CIMAP3: variants seen among roughly 807,000 people sequenced by gnomAD.
The protein encoded by CIMAP3 is ciliary microtubule associated protein 3, also known as ciliary microtubule-associated protein 3.
the CIMAP3 span, among the ~76,000 whole-genome samples, chr1:111,327,631 T>C: frequency 6.6e-6 from 1 of 152,186 alleles, no homozygotes; most frequent in African/African-American, 2.4e-5. Context: ...CTAAGTTGTC[T>C]AGTTTTTATG....
chr1:111,344,344 T>G, the CIMAP3 span, among the ~76,000 whole-genome samples: 2 of 152,218 alleles, frequency 1.3e-5, no homozygotes, highest in African/African-American at 4.8e-5. Context: ...AACTGTGTTT[T>G]CCAGTTTCCC....
the CIMAP3 span, among the ~76,000 whole-genome samples, chr1:111,330,404 T>C: frequency 6.6e-6 from 1 of 152,270 alleles, no homozygotes; most frequent in East Asian, 1.9e-4. Context: ...GTGTGGGGCC[T>C]TTATTTGAAG....
At chr1:111,331,952 G>C in the CIMAP3 span, among the ~76,000 whole-genome samples, 1 of 152,180 alleles carries the variant, frequency 6.6e-6, no homozygotes, top group Admixed American at 6.5e-5. Flanking sequence ...TCTCCATGTA[G>C]TGACCAGCTA....
chr1:111,344,919 C>T, the CIMAP3 span, among the ~76,000 whole-genome samples: 4 of 152,216 alleles, frequency 2.6e-5, no homozygotes, highest in Middle Eastern at 6.8e-3. Context: ...AATTTTAAAC[C>T]ATAGTTTTAC....
the CIMAP3 span, among the ~76,000 whole-genome samples, chr1:111,343,972 G>C: frequency 6.6e-6 from 1 of 152,092 alleles, no homozygotes; most frequent in Admixed American, 6.5e-5. Flanking sequence ...TTGCAGTCCT[G>C]TTGCTTTCTC....
the CIMAP3 span, among the ~76,000 whole-genome samples, chr1:111,340,272 T>G: frequency 1.3e-5 from 2 of 151,384 alleles, no homozygotes; most frequent in Non-Finnish European, 3.0e-5. Flanking sequence ...AACCTAGGCA[T>G]TACCATTCAG....
the CIMAP3 span, among the ~76,000 whole-genome samples, chr1:111,335,104 G>T: frequency 7.6e-6 from 1 of 131,746 alleles, no homozygotes; most frequent in Non-Finnish European, 1.6e-5. Context: ...CTCCAGCCTG[G>T]GTTACAGAGT....
the CIMAP3 span, chr1:111,346,805 T>C: frequency 8.3e-6 from 13 of 1,572,786 alleles, no homozygotes; most frequent in South Asian, 1.1e-4. Context: ...AAGCGCACGG[T>C]TGGGCCCTGT....
the CIMAP3 span, among the ~76,000 whole-genome samples, chr1:111,331,270 T>C: frequency 6.6e-6 from 1 of 152,218 alleles, no homozygotes; most frequent in Non-Finnish European, 1.5e-5. Flanking sequence ...TGGGAAGTTT[T>C]TTGATATTAT....
At chr1:111,346,356 A>G in the CIMAP3 span, 2 of 375,326 alleles carry the variant, frequency 5.3e-6, no homozygotes, top group African/African-American at 2.1e-5. Flanking sequence ...ACAACAGCGC[A>G]TTCCTCTTGG....
At chr1:111,334,465 T>C in the CIMAP3 span, among the ~76,000 whole-genome samples, 1 of 152,088 alleles carries the variant, frequency 6.6e-6, no homozygotes, top group Non-Finnish European at 1.5e-5. Context: ...GAATAAATAA[T>C]ACTTCAATGC....
At chr1:111,327,474 T>A in the CIMAP3 span, among the ~76,000 whole-genome samples, 1 of 152,132 alleles carries the variant, frequency 6.6e-6, no homozygotes, top group African/African-American at 2.4e-5. Context: ...CTGCTGTGAA[T>A]CTATCAGGTC....
the CIMAP3 span, among the ~76,000 whole-genome samples, chr1:111,339,107 A>G: frequency 6.6e-6 from 1 of 151,974 alleles, no homozygotes; most frequent in Admixed American, 6.5e-5. Context: ...CAAAAACCAC[A>G]TGATTATCTC....
chr1:111,341,916 A>T, the CIMAP3 span, among the ~76,000 whole-genome samples: 1 of 152,078 alleles, frequency 6.6e-6, no homozygotes. Context: ...AAAATTTCCT[A>T]CAAGATATAC....
chr1:111,348,754 G>GT, the CIMAP3 span: 4 of 1,105,546 alleles, frequency 3.6e-6, no homozygotes, highest in East Asian at 1.0e-4. Context: ...AACCATCGCA[G>GT]TTAAATAAGG....
the CIMAP3 span, among the ~76,000 whole-genome samples, chr1:111,344,486 T>C: frequency 6.6e-6 from 1 of 152,216 alleles, no homozygotes; most frequent in African/African-American, 2.4e-5. Context: ...AGCACCAAGG[T>C]TGAACTCACC....
the CIMAP3 span, chr1:111,346,837 C>G: frequency 1.2e-5 from 19 of 1,588,308 alleles, no homozygotes; most frequent in East Asian, 2.2e-4. Flanking sequence ...TCTCCCCGAC[C>G]TTCCCCTCCC....
At chr1:111,341,141 G>T in the CIMAP3 span, among the ~76,000 whole-genome samples, 1 of 150,718 alleles carries the variant, frequency 6.6e-6, no homozygotes. Flanking sequence ...CTCACTCATA[G>T]GTGGGAACTG....
At chr1:111,345,521 C>T in the CIMAP3 span, among the ~76,000 whole-genome samples, 1 of 152,202 alleles carries the variant, frequency 6.6e-6, no homozygotes, top group Non-Finnish European at 1.5e-5. Flanking sequence ...GAACAACACC[C>T]CAACAATTTT....
Sources: gnomAD v4.1 joint callset for allele counts (sites outside exome capture counted in the v4.1 genomes callset) on GRCh38, gnomAD v4.1.1 for gene constraint, MANE v1.5 for transcripts, NCBI Gene and HGNC (gene_info 2026-07-23, HGNC 2026-07-21) for gene names.